LRP1B: variants seen among roughly 807,000 people sequenced by gnomAD.
LRP1B encodes the protein low-density lipoprotein receptor-related protein 1B.
Under a neutral mutation model 556.6 loss-of-function variants are expected in LRP1B, and 217 were observed. The observed-to-expected ratio is 0.39, with a 90% CI of 0.35 to 0.44. The LOEUF (loss-of-function observed/expected upper bound fraction) is 0.44, where lower values mean the gene tolerates loss of function less well. Ranked by LOEUF, LRP1B falls within the 20% of genes least tolerant of loss-of-function variation. The pLI, the probability that LRP1B is intolerant of heterozygous loss-of-function variation, is 1.00. For synonymous variants in LRP1B, 2,047 were observed against 1,865.8 expected, an observed-to-expected ratio of 1.10 and a Z score of -2.50; for missense variants, 5,053 against 5,620.8, an observed-to-expected ratio of 0.90 and a Z score of 3.23.
intron 11 of LRP1B, among the ~76,000 whole-genome samples, chr2:141,022,909 G>A (rs904523008): frequency 2.0e-5 from 3 of 151,638 alleles, no homozygotes; most frequent in East Asian, 1.9e-4. Context: ...ACAAGAGCAT[G>A]GCTATTTTAA....
chr2:141,890,323 C>CATACATATATATATAT (rs1170715951), intron 1 of LRP1B, among the ~76,000 whole-genome samples: 2 of 83,818 alleles, frequency 2.4e-5, no homozygotes, highest in African/African-American at 8.8e-5. Context: ...GGGCACAATA[C>CATACATATATATATAT]ATATATATAT....
chr2:141,854,032 A>G (rs560338421), intron 1 of LRP1B, among the ~76,000 whole-genome samples: 1 of 152,080 alleles, frequency 6.6e-6, no homozygotes, highest in Non-Finnish European at 1.5e-5. Context: ...TAATACAAGA[A>G]AATTAAATTT....
intron 1 of LRP1B, among the ~76,000 whole-genome samples, chr2:141,869,598 C>T (rs562822734): frequency 6.6e-6 from 1 of 152,210 alleles, no homozygotes; most frequent in Non-Finnish European, 1.5e-5. Flanking sequence ...TCTGTAGAAT[C>T]AGTTCTATGT....
chr2:140,816,900 C>T (rs1691144399), intron 31 of LRP1B, among the ~76,000 whole-genome samples: 3 of 152,054 alleles, frequency 2.0e-5, no homozygotes, highest in African/African-American at 7.2e-5. Flanking sequence ...AAAGTCCCAA[C>T]AACACTAAAT....
intron 2 of LRP1B, among the ~76,000 whole-genome samples, chr2:141,573,801 G>A (rs1036932821): frequency 4.0e-4 from 60 of 151,840 alleles, no homozygotes; most frequent in East Asian, 3.9e-4. Flanking sequence ...AACCACCATC[G>A]GGGAATACTA....
intron 23 of LRP1B, among the ~76,000 whole-genome samples, chr2:140,892,288 A>T (rs1014826408): frequency 2.6e-5 from 4 of 152,136 alleles, no homozygotes; most frequent in Non-Finnish European, 5.9e-5. Context: ...GTCACCGTGG[A>T]TGAAGTTCAT....
chr2:140,420,714 A>T (rs1053228761), intron 66 of LRP1B, among the ~76,000 whole-genome samples: 6 of 152,230 alleles, frequency 3.9e-5, no homozygotes, highest in Non-Finnish European at 8.8e-5. Flanking sequence ...AACAGGGAGA[A>T]ATCTCAAAAT....
intron 32 of LRP1B, among the ~76,000 whole-genome samples, chr2:140,786,081 T>TCCCTCTG (rs1415852957): frequency 6.6e-6 from 1 of 152,154 alleles, no homozygotes; most frequent in Non-Finnish European, 1.5e-5. Flanking sequence ...TGTGAGCATG[T>TCCCTCTG]CCCTCTGCTG....
chr2:140,854,280 C>A (rs573693190), intron 27 of LRP1B, among the ~76,000 whole-genome samples: 1 of 152,108 alleles, frequency 6.6e-6, no homozygotes, highest in South Asian at 2.1e-4. Flanking sequence ...ACCCTTAACA[C>A]CCTACAATTA....
At chr2:141,076,440 T>A (rs188408306) in intron 7 of LRP1B, among the ~76,000 whole-genome samples, 158 of 152,302 alleles carry the variant, frequency 1.0e-3, no homozygotes, top group Non-Finnish European at 1.7e-3. Context: ...AAATAGTGAT[T>A]CTTAAACTTT....
intron 20 of LRP1B, among the ~76,000 whole-genome samples, chr2:140,930,184 A>T (rs6758870): frequency 0.97 from 147,280 of 152,152 alleles, 71,472 homozygotes; most frequent in East Asian, 1. Flanking sequence ...AAATGATGAC[A>T]ATTTATATGT....
chr2:141,777,711 A>C (rs1352343320), intron 2 of LRP1B, among the ~76,000 whole-genome samples: 5 of 152,150 alleles, frequency 3.3e-5, no homozygotes, highest in Non-Finnish European at 4.4e-5. Context: ...CACCGCGCCC[A>C]GCCAAAATGA....
chr2:141,360,355 TAA>T (rs1300560655), intron 3 of LRP1B, among the ~76,000 whole-genome samples: 1 of 152,230 alleles, frequency 6.6e-6, no homozygotes, highest in Non-Finnish European at 1.5e-5. Context: ...TATTCAGTAT[TAA>T]AAGTTATTGC....
At chr2:141,504,120 G>T (rs1463111510) in intron 2 of LRP1B, among the ~76,000 whole-genome samples, 1 of 152,044 alleles carries the variant, frequency 6.6e-6, no homozygotes, top group South Asian at 2.1e-4. Context: ...AATAATTTCT[G>T]CTTGCTGACA....
intron 6 of LRP1B, among the ~76,000 whole-genome samples, chr2:141,212,893 C>T (rs566883321): frequency 2.6e-5 from 4 of 152,270 alleles, no homozygotes; most frequent in African/African-American, 9.6e-5. Flanking sequence ...TTGATATAAA[C>T]AAGAGTTATG....
chr2:140,787,844 C>T (rs1046357036), intron 32 of LRP1B, among the ~76,000 whole-genome samples: 3 of 151,916 alleles, frequency 2.0e-5, no homozygotes, highest in Non-Finnish European at 2.9e-5. Context: ...CAAAAAGCTG[C>T]GATTACAGGT....
chr2:140,796,681 G>A (rs76310275), intron 32 of LRP1B, among the ~76,000 whole-genome samples: 3,577 of 152,166 alleles, frequency 0.024, 76 homozygotes, highest in South Asian at 0.1. Context: ...TGAACTAAGT[G>A]ACATTGCTCA....
At chr2:140,480,060 T>A (rs1688169632) in intron 59 of LRP1B, among the ~76,000 whole-genome samples, 1 of 152,186 alleles carries the variant, frequency 6.6e-6, no homozygotes, top group African/African-American at 2.4e-5. Flanking sequence ...GTCTCCGTGT[T>A]AGGCACAAAA....
intron 1 of LRP1B, among the ~76,000 whole-genome samples, chr2:142,116,083 T>C (rs1574704311): frequency 6.9e-6 from 1 of 144,728 alleles, no homozygotes; most frequent in East Asian, 2.0e-4. Context: ...TGGGTGCGGT[T>C]GCATATGCCT....
Sources: allele counts gnomAD v4.1 joint callset (sites outside exome capture counted in the v4.1 genomes callset), GRCh38; gene constraint gnomAD v4.1.1; transcripts MANE v1.5; gene names NCBI Gene and HGNC (gene_info 2026-07-23, HGNC 2026-07-21).